Variants in KCNH1 observed in about 807,000 individuals in gnomAD.
KCNH1 encodes potassium voltage-gated channel subfamily H member 1.
A neutral mutation model predicts 69.2 loss-of-function variants in KCNH1; 27 were observed. That is an observed-to-expected ratio of 0.39 (90% CI 0.29 to 0.54). The LOEUF (loss-of-function observed/expected upper bound fraction) is 0.54, where lower values mean the gene tolerates loss of function less well. Ranked by LOEUF, KCNH1 falls within the 20% of genes least tolerant of loss-of-function variation. The pLI is 0.68. For missense variants in KCNH1, 798 were observed against 1,261.6 expected, an observed-to-expected ratio of 0.63 and a Z score of 5.57; for synonymous variants, 456 against 487.7, an observed-to-expected ratio of 0.93 and a Z score of 0.86.
intron 1 of KCNH1, among the ~76,000 whole-genome samples, chr1:211,123,884 G>A (rs1368403061): frequency 6.6e-6 from 1 of 152,152 alleles, no homozygotes; most frequent in Non-Finnish European, 1.5e-5. Flanking sequence ...AGGAAACCCG[G>A]AAATATGGTG....
chr1:211,025,089 C>CCACATTAGTCAAAA (rs1448469162), intron 5 of KCNH1, among the ~76,000 whole-genome samples: 1 of 152,166 alleles, frequency 6.6e-6, no homozygotes, highest in Non-Finnish European at 1.5e-5. Context: ...AAGAGAGAAT[C>CCACATTAGTCAAAA]ACCAATGGGT....
rs186287815 is a variant in KCNH1 at position 211,092,876 on chromosome 1, C to A, written c.311-2186G>T. 5.8e-3 allele frequency among the ~76,000 whole-genome samples: 877 copies of A among 151,360 alleles called. 40 individuals are homozygous for A. Among genetic ancestry groups the A allele is most frequent in the Admixed American group, 0.054 (820 of 15,228 alleles). Reference sequence around the variant, plus strand: ...TTTCAGCATTTTTTCAGATGATAAACCAGAAAATACTGCTAATTACTCCCC... The same window carrying A: ...TTTCAGCATTTTTTCAGATGATAAAACAGAAAATACTGCTAATTACTCCCC... On this transcript the variant is annotated intron_variant, in intron 3 of 10. Transcript: ENST00000271751.
chr1:211,133,856 G>A lies in KCNH1; in HGVS notation c.79+11C>T, dbSNP rs774445687. On this transcript the variant is annotated intron_variant, in intron 1 of 10. Transcript: ENST00000271751. The surrounding 1 kb of genome is among the most constrained non-coding windows in gnomAD (Gnocchi z 5.4). ...ACGCCCGGGTAATCGAAATCCGAAT[G>A]CACCTCTTACCATTGGACCGCCGAA... 2 of 1,604,662 alleles carry A rather than the reference G, an allele frequency of 1.2e-6. No individual in the cohort carries two copies. The highest frequency in any genetic ancestry group is 1.7e-6 in the Non-Finnish European group (2 of 1,175,524).
intron 5 of KCNH1, among the ~76,000 whole-genome samples, chr1:211,078,811 G>A (rs760018878): frequency 1.3e-4 from 20 of 151,624 alleles, no homozygotes; most frequent in South Asian, 2.1e-4. Context: ...CCAGCTGCTC[G>A]GGAGGCTGAG....
chr1:210,927,667 T>C (rs1033662112), intron 6 of KCNH1, among the ~76,000 whole-genome samples: 17 of 151,912 alleles, frequency 1.1e-4, no homozygotes, highest in African/African-American at 4.1e-4. Flanking sequence ...AAAAAGATAT[T>C]CAGGCAACAA....
At chr1:211,090,142 G>A (rs1041482562) in intron 4 of KCNH1, among the ~76,000 whole-genome samples, 1 of 152,186 alleles carries the variant, frequency 6.6e-6, no homozygotes, top group Admixed American at 6.5e-5. Context: ...GCTAAAGTCC[G>A]CTTTAACAAT....
chr1:210,994,429 C>G (rs890967339), intron 6 of KCNH1, among the ~76,000 whole-genome samples: 1 of 152,058 alleles, frequency 6.6e-6, no homozygotes, highest in Admixed American at 6.6e-5. Flanking sequence ...GATTATACAA[C>G]ATAAAAATAT....
chr1:210,705,355 G>A (rs1471677680), intron 10 of KCNH1, among the ~76,000 whole-genome samples: 1 of 152,176 alleles, frequency 6.6e-6, no homozygotes, highest in Non-Finnish European at 1.5e-5. Context: ...CTCCCTGGGG[G>A]TTTAACATTC....
At chr1:210,951,881 G>A (rs1420893244) in intron 6 of KCNH1, among the ~76,000 whole-genome samples, 3 of 152,030 alleles carry the variant, frequency 2.0e-5, no homozygotes, top group African/African-American at 4.8e-5. Context: ...TTTCTAGAAC[G>A]TTCTCCTTAC....
At chr1:210,969,139 C>T (rs1225051569) in intron 6 of KCNH1, among the ~76,000 whole-genome samples, 1 of 151,878 alleles carries the variant, frequency 6.6e-6, no homozygotes, top group Non-Finnish European at 1.5e-5. Flanking sequence ...GACACATTAC[C>T]TTTTCTGTAC....
At chr1:210,834,685 T>TAAA (rs55784518) in intron 7 of KCNH1, among the ~76,000 whole-genome samples, 9 of 142,876 alleles carry the variant, frequency 6.3e-5, no homozygotes, top group Non-Finnish European at 1.1e-4. Flanking sequence ...AAAGTATAAT[T>TAAA]AAAAAAAAAA....
chr1:210,853,946 CAAAAAAAAAA>C lies in KCNH1; in HGVS notation c.1463-49790_1463-49781del, dbSNP rs11445997. On this transcript the variant is annotated intron_variant, in intron 7 of 10. Transcript: ENST00000271751. ...TAGCAGTAAAAGCATTTATCTAAGC[CAAAAAAAAAA>C]AAAAAAAAAAAAGAAACCAAAGTCT... is the stretch of plus-strand genomic sequence containing the variant. 9.6e-3 allele frequency among the ~76,000 whole-genome samples: 588 copies of C among 61,562 alleles called. 16 individuals are homozygous for C. Among genetic ancestry groups the C allele is most frequent in the African/African-American group, 0.04 (542 of 13,504 alleles). 40.4% of individuals were successfully genotyped at this position (61,562 alleles called of 152,430 possible).
chr1:210,939,498 T>C (rs967480877), intron 6 of KCNH1, among the ~76,000 whole-genome samples: 1 of 152,172 alleles, frequency 6.6e-6, no homozygotes, highest in Non-Finnish European at 1.5e-5. Context: ...GTGCAAGATG[T>C]CCTGAGGCAG....
At chr1:210,797,950 A>C (rs1684351965) in intron 8 of KCNH1, among the ~76,000 whole-genome samples, 190 bp from the exon 9 acceptor site, 1 of 152,064 alleles carries the variant, frequency 6.6e-6, no homozygotes, top group Non-Finnish European at 1.5e-5. Flanking sequence ...TCTGTGCTGA[A>C]TGTTCAGGAC....
chr1:210,757,193 T>A (rs1683417459), intron 10 of KCNH1, among the ~76,000 whole-genome samples: 1 of 152,158 alleles, frequency 6.6e-6, no homozygotes, highest in Admixed American at 6.6e-5. Flanking sequence ...GTCTATCTCA[T>A]GTGTAATTCC....
chr1:210,983,201 G>A (rs3951251), intron 6 of KCNH1, among the ~76,000 whole-genome samples: 1 of 152,070 alleles, frequency 6.6e-6, no homozygotes, highest in African/African-American at 2.4e-5. Flanking sequence ...TTGCAGAAAT[G>A]TTCTCCCATT....
At chr1:210,758,849 T>G (rs747579120) in intron 10 of KCNH1, among the ~76,000 whole-genome samples, 23 of 152,132 alleles carry the variant, frequency 1.5e-4, no homozygotes, top group Non-Finnish European at 3.1e-4. Context: ...CTGGGAGGTG[T>G]TGCTTTTCAT....
intron 5 of KCNH1, among the ~76,000 whole-genome samples, chr1:211,021,213 G>T (rs764174041): frequency 7.9e-5 from 12 of 152,092 alleles, no homozygotes; most frequent in Non-Finnish European, 1.0e-4. Context: ...AGTGTATACT[G>T]CTTGGGTGAT....
At chr1:211,115,038 G>A (rs533550612) in intron 1 of KCNH1, among the ~76,000 whole-genome samples, 12 of 151,868 alleles carry the variant, frequency 7.9e-5, no homozygotes, top group East Asian at 5.8e-4. Flanking sequence ...GTGCAATCTC[G>A]GCTCACTGCA....
Sources: allele counts gnomAD v4.1 joint callset (sites outside exome capture counted in the v4.1 genomes callset), GRCh38; gene constraint gnomAD v4.1.1; non-coding constraint Gnocchi (gnomAD v3.1); transcripts MANE v1.5; gene names NCBI Gene and HGNC (gene_info 2026-07-23, HGNC 2026-07-21).